The following USP46 variants were observed in gnomAD, a reference collection of about 807,000 sequenced individuals.
USP46 encodes ubiquitin carboxyl-terminal hydrolase 46.
USP46 carries 12 observed loss-of-function variants against 44.4 expected under a neutral mutation model. That is an observed-to-expected ratio of 0.27 (90% CI 0.17 to 0.44). USP46 has a LOEUF of 0.44. Ranked by LOEUF, USP46 falls within the 20% of genes least tolerant of loss-of-function variation. The pLI, the probability that USP46 is intolerant of heterozygous loss-of-function variation, is 1.00. For synonymous variants in USP46, 155 were observed against 161.5 expected (o/e 0.96, Z 0.31); for missense variants, 248 against 444.8 (o/e 0.56, Z 3.98).
intron 3 of USP46, among the ~76,000 whole-genome samples, chr4:52,626,673 T>C (rs970270657): frequency 1.3e-5 from 2 of 152,146 alleles, no homozygotes; most frequent in Non-Finnish European, 2.9e-5. Context: ...AATATAAATA[T>C]ACTCATCTCT....
intron 7 of USP46, among the ~76,000 whole-genome samples, chr4:52,599,160 G>A (rs1374378982): frequency 2.6e-5 from 4 of 151,650 alleles, no homozygotes; most frequent in Non-Finnish European, 4.4e-5. Flanking sequence ...AATGGGATAT[G>A]AGTGATGGGA....
At chr4:52,626,675 C>T (rs1435248444) in intron 3 of USP46, among the ~76,000 whole-genome samples, 1 of 152,124 alleles carries the variant, frequency 6.6e-6, no homozygotes, top group Non-Finnish European at 1.5e-5. Context: ...TATAAATATA[C>T]TCATCTCTAC....
intron 1 of USP46, among the ~76,000 whole-genome samples, chr4:52,639,552 T>C (rs1290271803): frequency 6.6e-6 from 1 of 152,192 alleles, no homozygotes; most frequent in African/African-American, 2.4e-5. Flanking sequence ...AGGATGCTCC[T>C]GGAAGCTGCA....
intron 1 of USP46, among the ~76,000 whole-genome samples, chr4:52,649,960 G>A (rs1390102664): frequency 6.6e-6 from 1 of 152,120 alleles, no homozygotes; most frequent in African/African-American, 2.4e-5. Flanking sequence ...TCTACATACT[G>A]TCAGAAACGC....
At chr4:52,646,509 C>T (rs17051645) in intron 1 of USP46, among the ~76,000 whole-genome samples, 2,516 of 152,140 alleles carry the variant, frequency 0.017, 66 homozygotes, top group African/African-American at 0.056. Context: ...CATCCAGAAA[C>T]TAAAAACATG....
intron 1 of USP46, among the ~76,000 whole-genome samples, chr4:52,633,433 C>A (rs1159499326): frequency 6.6e-6 from 1 of 152,050 alleles, no homozygotes; most frequent in East Asian, 1.9e-4. Context: ...ACACTATATA[C>A]AAGGCTGAAT....
chr4:52,634,828 A>C (rs1718050886), intron 1 of USP46, among the ~76,000 whole-genome samples: 1 of 152,186 alleles, frequency 6.6e-6, no homozygotes, highest in South Asian at 2.1e-4. Context: ...CAATTATACT[A>C]CAACTCTTGG....
intron 2 of USP46, among the ~76,000 whole-genome samples, chr4:52,629,963 A>G (rs932422054): frequency 1.3e-5 from 2 of 152,240 alleles, no homozygotes; most frequent in African/African-American, 4.8e-5. Flanking sequence ...GGCAGCATTT[A>G]CTTGCAGAGA....
chr4:52,618,997 G>C (rs1717275197), intron 4 of USP46, among the ~76,000 whole-genome samples: 1 of 152,038 alleles, frequency 6.6e-6, no homozygotes, highest in Admixed American at 6.6e-5. Flanking sequence ...TAGAGCAAAA[G>C]CTCAGCTTAA....
chr4:52,631,173 T>C (rs375432197), intron 1 of USP46, 29 bp from the exon 2 acceptor site: 24 of 1,529,298 alleles, frequency 1.6e-5, no homozygotes, highest in Admixed American at 1.0e-4. Context: ...AAAAGTTCTG[T>C]TGCATGTAAA....
Position 52,604,365 on chromosome 4 carries a change from G to A in USP46, c.722+136C>T. 5.9e-6 allele frequency: 4 copies of A among 679,682 alleles called. No homozygotes were observed. The South Asian group carries it at 7.6e-5, about 13-fold the overall frequency. The allele number at this position is 679,682 out of a possible 1,614,324, so 42.1% of individuals were successfully genotyped here. A position where few individuals can be genotyped will look rare whatever the true frequency, so the allele number is the denominator to read the frequency against. On this transcript the variant is annotated intron_variant, in intron 6 of 8. Transcript: ENST00000441222. ...CTTATCCCAGTTTCACTGGTGAGGAGGATAACTGACTTCCCCAAGGCTCCA... is the reference window on the plus strand; with the variant it reads ...CTTATCCCAGTTTCACTGGTGAGGAAGATAACTGACTTCCCCAAGGCTCCA...
At position 52,598,665 on chromosome 4, in the gene USP46, T is replaced by C. The variant is rs1716339103; in HGVS notation, c.962A>G (p.His321Arg). 1 of 1,610,578 alleles carries C rather than the reference T, an allele frequency of 6.2e-7. No homozygotes were observed. The highest frequency in any genetic ancestry group is 1.1e-5 in the South Asian group (1 of 89,652). ...RGHYITIVKS[H>R]GFWLLFDDDI... ...ATCATCAAACAAAAGCCAGAAGCCGTGACTTTTCACAATAGTGATATAATG... is the reference window on the plus strand; with the variant it reads ...ATCATCAAACAAAAGCCAGAAGCCGCGACTTTTCACAATAGTGATATAATG... The change falls in exon 8 of 9, where the codon CAC (histidine) becomes CGC (arginine). Residue 321 changes from histidine to arginine, a missense_variant. His to Arg is a conservative substitution (Grantham distance 29, BLOSUM62 0). Coordinates refer to ENST00000441222, the MANE Select transcript of USP46 (RefSeq NM_022832.4).
At chr4:52,639,811 C>G (rs1052607816) in intron 1 of USP46, among the ~76,000 whole-genome samples, 20 of 151,870 alleles carry the variant, frequency 1.3e-4, no homozygotes, top group African/African-American at 4.3e-4. Context: ...ATCCTCCCAC[C>G]TCAGCCCCAT....
intron 1 of USP46, among the ~76,000 whole-genome samples, chr4:52,632,961 AAAGAAAGAAAGAAAGAAAG>A (rs1560405925): frequency 3.5e-4 from 28 of 81,050 alleles, no homozygotes; most frequent in African/African-American, 1.4e-3. Context: ...AGAAAGAAAG[AAAGAAAGAAAGAAAGAAAG>A]AAAGAAAAGA....
At chr4:52,617,666 G>GT (rs1290722135) in intron 4 of USP46, among the ~76,000 whole-genome samples, 1 of 152,134 alleles carries the variant, frequency 6.6e-6, no homozygotes, top group East Asian at 1.9e-4. Context: ...AAATAATGTG[G>GT]TTTTTTTGGG....
At chr4:52,614,387 T>C (rs897271783) in intron 4 of USP46, among the ~76,000 whole-genome samples, 3 of 152,070 alleles carry the variant, frequency 2.0e-5, no homozygotes, top group Admixed American at 6.5e-5. Context: ...AGCCAAACTG[T>C]TGAAAACCAA....
chr4:52,649,589 G>C (rs187210035), intron 1 of USP46, among the ~76,000 whole-genome samples: 1 of 152,196 alleles, frequency 6.6e-6, no homozygotes, highest in South Asian at 2.1e-4. Context: ...TGCCCCAGAC[G>C]TGCTGAATCC....
At chr4:52,634,772 C>G (rs1002570559) in intron 1 of USP46, among the ~76,000 whole-genome samples, 4 of 152,304 alleles carry the variant, frequency 2.6e-5, no homozygotes, top group Admixed American at 6.5e-5. Flanking sequence ...CTGTGAAGCT[C>G]CTTCCTTGAC....
chr4:52,659,201 C>A lies in USP46; in HGVS notation c.-51G>T. On this transcript the variant is annotated 5_prime_UTR_variant, in exon 1 of 9. Transcript: ENST00000441222. This position sits in a 1 kb window ranked among gnomAD's most constrained non-coding sequence, Gnocchi z 4.2. Reference sequence around the variant, plus strand: ...CACCGCCATCTTTACAAGGGGAAACCGGGACTGCCCATGGTGGCGCGCTGG... The same window carrying A: ...CACCGCCATCTTTACAAGGGGAAACAGGGACTGCCCATGGTGGCGCGCTGG... 2 of 1,492,010 alleles carry A rather than the reference C, an allele frequency of 1.3e-6. No homozygotes were observed. Among genetic ancestry groups the A allele is most frequent in the South Asian group, 2.6e-5 (2 of 77,932 alleles). The allele number at this position is 1,492,010 out of a possible 1,614,324, so 92.4% of individuals were successfully genotyped here.
Sources: gnomAD v4.1 joint callset for allele counts (sites outside exome capture counted in the v4.1 genomes callset) on GRCh38, gnomAD v4.1.1 for gene constraint, Gnocchi (gnomAD v3.1) non-coding constraint, MANE v1.5 for transcripts, NCBI Gene and HGNC (gene_info 2026-07-23, HGNC 2026-07-21) for gene names.